The following NTRK3 variants were observed in gnomAD, a reference collection of about 807,000 sequenced individuals.
NTRK3 encodes the protein NT-3 growth factor receptor.
Under a neutral mutation model 91.7 loss-of-function variants are expected in NTRK3, and 24 were observed. The observed-to-expected ratio is 0.26, with a 90% CI of 0.19 to 0.37. NTRK3 has a LOEUF of 0.37. NTRK3 is among the 10% of genes least tolerant of loss of function. The probability of loss-of-function intolerance (pLI) is 1.00; values close to 1 mark genes in which losing one functional copy is unlikely to be tolerated. For synonymous variants in NTRK3, 483 were observed against 404.0 expected, an observed-to-expected ratio of 1.20 and a Z score of -2.34; for missense variants, 880 against 1,068.9, an observed-to-expected ratio of 0.82 and a Z score of 2.46.
At chr15:88,164,688 C>G (rs1344502144) in intron 5 of NTRK3, among the ~76,000 whole-genome samples, 1 of 152,158 alleles carries the variant, frequency 6.6e-6, no homozygotes, top group African/African-American at 2.4e-5. Flanking sequence ...CCACCCTGCC[C>G]CCATCTCTGT....
chr15:87,966,702 G>C (rs901097753), intron 14 of NTRK3, among the ~76,000 whole-genome samples: 1 of 152,190 alleles, frequency 6.6e-6, no homozygotes, highest in Non-Finnish European at 1.5e-5. Flanking sequence ...GAGCTGTTTG[G>C]GTAAGGAATT....
Position 88,183,012 on chromosome 15 carries a change from A to ACC in NTRK3, c.395+404_395+405dup, listed in dbSNP as rs370707792. 2.1e-3 allele frequency among the ~76,000 whole-genome samples: 252 copies of ACC among 119,968 alleles called. No individual in the cohort carries two copies. The East Asian group carries it at 0.025, about 12-fold the overall frequency. 78.7% of individuals were successfully genotyped at this position (119,968 alleles called of 152,430 possible). On this transcript the variant is annotated intron_variant, in intron 5 of 18. Transcript: ENST00000394480. ...TAGCCATACTTTCTTTCTTCTTGCA[A>ACC]CCCCCCCCCGCCCCCCGCCAGTCCT...
At chr15:88,077,489 A>G (rs1431206205) in intron 13 of NTRK3, among the ~76,000 whole-genome samples, 2 of 152,112 alleles carry the variant, frequency 1.3e-5, no homozygotes, top group African/African-American at 4.8e-5. Context: ...AAAAATGGAA[A>G]GCCACGTGCA....
intron 3 of NTRK3, among the ~76,000 whole-genome samples, chr15:88,242,503 G>A (rs937139455): frequency 1.3e-5 from 2 of 152,082 alleles, no homozygotes; most frequent in Non-Finnish European, 2.9e-5. Context: ...TTCTGCCCCC[G>A]CTTCTCTTGA....
At chr15:88,046,263 A>G (rs1275881070) in intron 13 of NTRK3, among the ~76,000 whole-genome samples, 1 of 152,174 alleles carries the variant, frequency 6.6e-6, no homozygotes, top group Non-Finnish European at 1.5e-5. Flanking sequence ...CCTACAGACT[A>G]TAGTTCATGA....
At chr15:88,002,614 C>T (rs1246791006) in intron 14 of NTRK3, among the ~76,000 whole-genome samples, 2 of 150,564 alleles carry the variant, frequency 1.3e-5, no homozygotes, top group Non-Finnish European at 2.9e-5. Flanking sequence ...TACAATTTCA[C>T]TGTAACTCTC....
chr15:87,926,436 T>C (rs993214461), intron 17 of NTRK3, among the ~76,000 whole-genome samples: 2 of 152,200 alleles, frequency 1.3e-5, no homozygotes, highest in Admixed American at 1.3e-4. Flanking sequence ...ACCAAAAACA[T>C]ACATTTCGAG....
intron 14 of NTRK3, among the ~76,000 whole-genome samples, chr15:88,016,292 T>C (rs1053793953): frequency 6.6e-6 from 1 of 152,178 alleles, no homozygotes; most frequent in Non-Finnish European, 1.5e-5. Flanking sequence ...GATGAACTAC[T>C]GAACACATAA....
intron 17 of NTRK3, among the ~76,000 whole-genome samples, chr15:87,910,583 G>A (rs2067031079): frequency 1.3e-5 from 2 of 152,188 alleles, no homozygotes; most frequent in Non-Finnish European, 2.9e-5. Context: ...GGCTGCAAAT[G>A]TAAATTTCAA....
At chr15:88,191,524 G>A (rs2047391822) in intron 3 of NTRK3, among the ~76,000 whole-genome samples, 1 of 152,156 alleles carries the variant, frequency 6.6e-6, no homozygotes, top group African/African-American at 2.4e-5. Flanking sequence ...GCATACAGGT[G>A]TCCCTTCTCT....
intron 3 of NTRK3, among the ~76,000 whole-genome samples, chr15:88,185,904 T>A (rs1205422074): frequency 6.6e-6 from 1 of 152,202 alleles, no homozygotes; most frequent in Non-Finnish European, 1.5e-5. Context: ...CCAAAGTCCC[T>A]GCTGAGCAGC....
At chr15:87,893,547 G>C (rs1331310765) in intron 17 of NTRK3, among the ~76,000 whole-genome samples, 2 of 152,172 alleles carry the variant, frequency 1.3e-5, no homozygotes, top group African/African-American at 4.8e-5. Flanking sequence ...GAATTGTCTT[G>C]CTCATTTCCA....
At chr15:88,046,559 G>C (rs1463774924) in intron 13 of NTRK3, among the ~76,000 whole-genome samples, 3 of 152,134 alleles carry the variant, frequency 2.0e-5, no homozygotes, top group Non-Finnish European at 4.4e-5. Flanking sequence ...ACCTCACCCA[G>C]CAAACACATT....
chr15:88,219,260 G>A (rs2050047028), intron 3 of NTRK3, among the ~76,000 whole-genome samples: 1 of 152,236 alleles, frequency 6.6e-6, no homozygotes. Context: ...CTTTTGACCT[G>A]CAGCAAATTA....
At chr15:87,954,194 G>A (rs926216017) in intron 14 of NTRK3, among the ~76,000 whole-genome samples, 6 of 152,148 alleles carry the variant, frequency 3.9e-5, no homozygotes, top group Non-Finnish European at 5.9e-5. Flanking sequence ...CCAGCTCTCC[G>A]AGAGGCCAGC....
chr15:87,882,217 G>A (rs536267740), intron 17 of NTRK3, among the ~76,000 whole-genome samples: 1 of 152,130 alleles, frequency 6.6e-6, no homozygotes, highest in Admixed American at 6.6e-5. Flanking sequence ...TTTCAACCTG[G>A]GACTTTCTAA....
At position 88,255,526 on chromosome 15, in the gene NTRK3, T is replaced by C. The variant is rs2053948737; in HGVS notation, c.248+380A>G. 6.6e-6 allele frequency among the ~76,000 whole-genome samples: 1 copy of C among 152,052 alleles called. No individual in the cohort carries two copies. The highest frequency in any genetic ancestry group is 1.5e-5 in the Non-Finnish European group (1 of 68,004). On this transcript the variant is annotated intron_variant, in intron 3 of 18. Coordinates refer to ENST00000394480, the Ensembl canonical transcript of NTRK3. The surrounding 1 kb of genome is among the most constrained non-coding windows in gnomAD (Gnocchi z 4.3). ...GCCTCTGCCAAAGAATCGAACCTCGTCTACTTTATTCCACTTGAGCGTGGC... is the reference window on the plus strand; with the variant it reads ...GCCTCTGCCAAAGAATCGAACCTCGCCTACTTTATTCCACTTGAGCGTGGC...
At position 88,256,340 on chromosome 15, in the gene NTRK3, ACGCCGCCGCCGC is replaced by A. The variant is rs542135987; in HGVS notation, c.-84_-73del. On this transcript the variant is annotated 5_prime_UTR_variant, in exon 2 of 19. Transcript: ENST00000394480. ...CCTTCAGCGTCTGAAACCATCGCGGACGCCGCCGCCGCCGCCGCCGCCGCCGGGTGGGAGCCG... is the reference window on the plus strand; with the variant it reads ...CCTTCAGCGTCTGAAACCATCGCGGACGCCGCCGCCGCCGGGTGGGAGCCG... 750 of 637,992 alleles carry A rather than the reference ACGCCGCCGCCGC, an allele frequency of 1.2e-3. 4 individuals are homozygous for A. The highest frequency in any genetic ancestry group is 1.2e-3 in the Middle Eastern group (3 of 2,464). The allele number at this position is 637,992 out of a possible 1,614,324, so 39.5% of individuals were successfully genotyped here.
rs1303217349 is a variant in NTRK3 at position 87,995,734 on chromosome 15, C to T, written c.1585+37123G>A. Among the ~76,000 whole-genome samples, 6 of 152,268 alleles carry T rather than the reference C, an allele frequency of 3.9e-5. No homozygotes were observed. The South Asian group carries it at 1.2e-3, about 32-fold the overall frequency. ...CCAGCAAGCTTTCTCTGTCAAGAGA[C>T]AGACAGTAAATATTATAGGCTTTTC... is the stretch of plus-strand genomic sequence containing the variant. On this transcript the variant is annotated intron_variant, in intron 14 of 18. Coordinates refer to ENST00000394480, the Ensembl canonical transcript of NTRK3.
Sources: allele counts gnomAD v4.1 joint callset (sites outside exome capture counted in the v4.1 genomes callset), GRCh38; gene constraint gnomAD v4.1.1; non-coding constraint Gnocchi (gnomAD v3.1); transcripts MANE v1.5; gene names NCBI Gene and HGNC (gene_info 2026-07-23, HGNC 2026-07-21).